Variants in SLC4A8 observed in about 807,000 individuals in gnomAD.
The protein encoded by SLC4A8 is solute carrier family 4 member 8.
In SLC4A8, 40 loss-of-function variants were observed where a neutral mutation model predicts 125.0. The observed-to-expected ratio is 0.32, with a 90% CI of 0.25 to 0.42. The LOEUF is 0.42. Among genes scored for constraint, SLC4A8 ranks in the 10% least tolerant of loss-of-function variants. The probability of loss-of-function intolerance (pLI) is 1.00; values close to 1 mark genes in which losing one functional copy is unlikely to be tolerated. For synonymous variants in SLC4A8, 456 were observed against 476.0 expected (o/e 0.96, Z 0.55); for missense variants, 863 against 1,355.1 (o/e 0.64, Z 5.70).
intron 8 of SLC4A8, among the ~76,000 whole-genome samples, chr12:51,460,795 A>G (rs533388459): frequency 9.7e-4 from 147 of 152,210 alleles, no homozygotes; most frequent in Non-Finnish European, 1.8e-3. Context: ...GAACACATTT[A>G]GACTCCTCTG....
intron 1 of SLC4A8, among the ~76,000 whole-genome samples, chr12:51,394,972 C>T (rs540833348): frequency 7.2e-5 from 11 of 151,794 alleles, no homozygotes; most frequent in South Asian, 6.2e-4. Context: ...GAGGCTGCGG[C>T]GAGCTGTGAC....
intron 22 of SLC4A8, 123 bp downstream of exon 22, chr12:51,497,247 C>T: frequency 1.9e-6 from 2 of 1,050,706 alleles, no homozygotes; most frequent in Non-Finnish European, 2.8e-6. Context: ...GGAAGATTAC[C>T]CCCAAAGATG....
In SLC4A8 at chr12:51,512,167, C is replaced by T. The variant is rs747978668; in HGVS notation, c.*4729C>T. The T allele has an allele frequency of 6.6e-6, 1 of 152,208 alleles. No homozygotes were observed. The highest frequency in any genetic ancestry group is 1.5e-5 in the Non-Finnish European group (1 of 68,046). The allele number at this position is 152,208 out of a possible 1,614,324, so 9.4% of individuals were successfully genotyped here. A position where few individuals can be genotyped will look rare whatever the true frequency, so the allele number is the denominator to read the frequency against. On this transcript the variant is annotated 3_prime_UTR_variant, in exon 25 of 25. Transcript: ENST00000453097. ...GTGATGATATGATGCTGGACACAAT[C>T]ATTGTGCACTTTGTTAATTTGGTAT...
At chr12:51,417,941 C>A (rs1461962531) in intron 1 of SLC4A8, among the ~76,000 whole-genome samples, 1 of 152,190 alleles carries the variant, frequency 6.6e-6, no homozygotes, top group Non-Finnish European at 1.5e-5. Flanking sequence ...CGTGAGCCAC[C>A]ATATCTGGCT....
chr12:51,474,923 A>G, intron 15 of SLC4A8, 122 bp from the exon 16 acceptor site: 1 of 864,396 alleles, frequency 1.2e-6, no homozygotes, highest in Non-Finnish European at 1.8e-6. Context: ...GGTCAAGGGG[A>G]TGCTGCTTGC....
chr12:51,457,564 C>T (rs757222522), intron 6 of SLC4A8, 25 bp downstream of exon 6: 2 of 1,594,312 alleles, frequency 1.3e-6, no homozygotes, highest in South Asian at 2.3e-5. Flanking sequence ...TGATTTTTCT[C>T]TCTTTATTAA....
chr12:51,413,350 C>G (rs1948627450), intron 1 of SLC4A8, among the ~76,000 whole-genome samples: 1 of 152,138 alleles, frequency 6.6e-6, no homozygotes, highest in South Asian at 2.1e-4. Context: ...AATAATTTCT[C>G]TCATTCTACA....
At chr12:51,411,190 C>CCCTT (rs560309728) in intron 1 of SLC4A8, among the ~76,000 whole-genome samples, 223 of 151,974 alleles carry the variant, frequency 1.5e-3, no homozygotes, top group African/African-American at 5.2e-3. Context: ...CCTTCCCTGT[C>CCCTT]CCTTCCCTAT....
At position 51,508,588 on chromosome 12, in the gene SLC4A8, CA is replaced by C. The variant is rs1267343447; in HGVS notation, c.*1153del. 3.3e-5 allele frequency: 5 copies of C among 152,638 alleles called. No homozygotes were observed. The East Asian group carries it at 9.6e-4, about 29-fold the overall frequency. The allele number at this position is 152,638 out of a possible 1,614,324, so 9.5% of individuals were successfully genotyped here. A position where few individuals can be genotyped will look rare whatever the true frequency, so the allele number is the denominator to read the frequency against. On this transcript the variant is annotated 3_prime_UTR_variant, in exon 25 of 25. Coordinates refer to ENST00000453097, the MANE Select transcript of SLC4A8 (RefSeq NM_001039960.3). ...ATCATCATGGATTTCTTTTGGTTGACAAACATTCTGGCTCTCAGATGCAAAA... is the reference window on the plus strand; with the variant it reads ...ATCATCATGGATTTCTTTTGGTTGACAACATTCTGGCTCTCAGATGCAAAA...
chr12:51,414,744 T>C (rs1267001492), intron 1 of SLC4A8, among the ~76,000 whole-genome samples: 1 of 152,208 alleles, frequency 6.6e-6, no homozygotes, highest in African/African-American at 2.4e-5. Context: ...CTTATTCTAG[T>C]TCTTAGAGAA....
chr12:51,425,531 C>T (rs899410697), intron 1 of SLC4A8: 4 of 625,330 alleles, frequency 6.4e-6, no homozygotes, highest in Non-Finnish European at 8.0e-6. Flanking sequence ...TAGGGTGACC[C>T]GGTTTGTGAC....
At chr12:51,500,850 C>CT (rs71092703) in intron 22 of SLC4A8, among the ~76,000 whole-genome samples, 67,802 of 142,454 alleles carry the variant, frequency 0.48, 16,370 homozygotes, top group Non-Finnish European at 0.53. Flanking sequence ...CTGCGCCTGG[C>CT]TTTTTTTTTT....
intron 1 of SLC4A8, among the ~76,000 whole-genome samples, chr12:51,426,597 AGGGGGATCACAG>A (rs1037567881): frequency 6.6e-6 from 1 of 152,186 alleles, no homozygotes; most frequent in Admixed American, 6.5e-5. Context: ...CTGAGGGAAG[AGGGGGATCACAG>A]GGCCTGAGAG....
At chr12:51,474,286 A>G (rs1440579960) in intron 14 of SLC4A8, 56 bp from the exon 15 acceptor site, 2 of 1,170,956 alleles carry the variant, frequency 1.7e-6, no homozygotes, top group African/African-American at 3.0e-5. Context: ...TTCTAAAAAC[A>G]TTTAACTGAG....
intron 16 of SLC4A8, among the ~76,000 whole-genome samples, chr12:51,481,918 C>T (rs1411800691): frequency 6.6e-6 from 1 of 151,972 alleles, no homozygotes; most frequent in Non-Finnish European, 1.5e-5. Flanking sequence ...GATGTTACCG[C>T]ACTCCAGCCT....
intron 1 of SLC4A8, among the ~76,000 whole-genome samples, chr12:51,436,690 A>C (rs935151853): frequency 4.6e-5 from 7 of 152,090 alleles, no homozygotes; most frequent in Non-Finnish European, 1.0e-4. Context: ...GCAATGGCGT[A>C]ATCTTGGCTC....
upstream of SLC4A8, among the ~76,000 whole-genome samples, chr12:51,424,035 T>C (rs1276442165): frequency 3.8e-4 from 4 of 10,564 alleles, no homozygotes; most frequent in Non-Finnish European, 5.6e-4. Context: ...AAACTTCGTC[T>C]CCAAAAAAAA....
intron 5 of SLC4A8, 122 bp from the exon 6 acceptor site, chr12:51,457,229 C>A (rs900815725): frequency 1.6e-6 from 1 of 622,586 alleles, no homozygotes; most frequent in Non-Finnish European, 2.7e-6. Context: ...AATTGCACCT[C>A]AATGACCCTA....
intron 1 of SLC4A8, among the ~76,000 whole-genome samples, chr12:51,406,007 C>T (rs1948479510): frequency 6.6e-6 from 1 of 152,140 alleles, no homozygotes; most frequent in Admixed American, 6.5e-5. Context: ...TGTCTGGTTC[C>T]CTGGAGATAT....
Sources: allele counts gnomAD v4.1 joint callset (sites outside exome capture counted in the v4.1 genomes callset), GRCh38; gene constraint gnomAD v4.1.1; transcripts MANE v1.5; gene names NCBI Gene and HGNC (gene_info 2026-07-23, HGNC 2026-07-21).